CDCA5: variants seen among roughly 807,000 people sequenced by gnomAD.
CDCA5 encodes cell division cycle associated 5, also known as sororin.
Under a neutral mutation model 25.7 loss-of-function variants are expected in CDCA5, and 14 were observed. That is an observed-to-expected ratio of 0.54 (90% CI 0.36 to 0.85). CDCA5 has a LOEUF of 0.85. Among genes scored for constraint, CDCA5 ranks in the 40% least tolerant of loss-of-function variants. The pLI is 0.01. For synonymous variants in CDCA5, 127 were observed against 128.7 expected, an observed-to-expected ratio of 0.99 and a Z score of 0.09; for missense variants, 307 against 324.5, an observed-to-expected ratio of 0.95 and a Z score of 0.41.
intron 1 of CDCA5, among the ~76,000 whole-genome samples, chr11:65,071,107 A>G (rs947393889): frequency 1.3e-5 from 2 of 150,940 alleles, no homozygotes; most frequent in Admixed American, 6.6e-5. Context: ...ACACCCGGCT[A>G]ATTTTTTGTA....
chr11:65,076,773 C>T (rs1182443327), downstream of CDCA5, among the ~76,000 whole-genome samples: 1 of 152,216 alleles, frequency 6.6e-6, no homozygotes, highest in Non-Finnish European at 1.5e-5. Context: ...ACAGCACCTG[C>T]TGCTACACAG....
intron 1 of CDCA5, among the ~76,000 whole-genome samples, chr11:65,068,796 T>C (rs1947289652): frequency 6.6e-6 from 1 of 152,232 alleles, no homozygotes; most frequent in African/African-American, 2.4e-5. Flanking sequence ...GAAATCTGAA[T>C]TTCAGCTGAA....
rs117696128 is a variant in CDCA5, at chr11:65,068,560, G to T, written c.105C>A (p.Asn35Lys). The change falls in exon 2 of 7, where the codon AAC (asparagine) becomes AAA (lysine). Residue 35 changes from asparagine (N) to lysine (K), a missense_variant. Transcript: ENST00000525464. ...CCTCAACAGGCTGCACCACTGGCTT[G>T]TTGGCCAGCTTGGAGTGGGCTCTTT... The T allele has an allele frequency of 2.3e-6, 3 of 1,289,428 alleles. No individual in the cohort carries two copies. The African/African-American group carries it at 4.5e-5, about 20-fold the overall frequency. 79.9% of individuals were successfully genotyped at this position (1,289,428 alleles called of 1,614,324 possible). A position where few individuals can be genotyped will look rare whatever the true frequency, so the allele number is the denominator to read the frequency against.
At chr11:65,075,083 G>T (rs1353156416), downstream of CDCA5, among the ~76,000 whole-genome samples, 2 of 146,792 alleles carry the variant, frequency 1.4e-5, no homozygotes, top group African/African-American at 2.5e-5. Flanking sequence ...AAAAAAAAAA[G>T]GGTTTTAAGG....
downstream of CDCA5, among the ~76,000 whole-genome samples, chr11:65,061,327 C>T (rs1325681374): frequency 6.6e-6 from 1 of 152,224 alleles, no homozygotes; most frequent in African/African-American, 2.4e-5. Context: ...CGTCAGAATA[C>T]AGCGGCCCCT....
chr11:65,061,423 CTG>C (rs544459025), downstream of CDCA5, among the ~76,000 whole-genome samples: 11 of 152,322 alleles, frequency 7.2e-5, no homozygotes, highest in South Asian at 2.1e-3. Flanking sequence ...CCTGTGGACA[CTG>C]TGTGAGATAA....
chr11:65,077,838 G>C lies in CDCA5; in HGVS notation c.*1269C>G, dbSNP rs1236134858. 1 of 985,610 alleles carries C rather than the reference G, an allele frequency of 1.0e-6. No individual in the cohort carries two copies. The highest frequency in any genetic ancestry group is 6.1e-5 in the Admixed American group (1 of 16,264). The allele number at this position is 985,610 out of a possible 1,614,324, so 61.1% of individuals were successfully genotyped here. A position where few individuals can be genotyped will look rare whatever the true frequency, so the allele number is the denominator to read the frequency against. ...CCTGACCCAGCACTCATCTTCCCTG[G>C]CATTCTCTGTTATCCACCAGCTCCT... On this transcript the variant is annotated 3_prime_UTR_variant, in exon 6 of 6. Transcript: ENST00000275517.
downstream of CDCA5, among the ~76,000 whole-genome samples, chr11:65,065,631 C>G (rs1281094098): frequency 3.3e-5 from 5 of 152,194 alleles, no homozygotes; most frequent in Admixed American, 3.3e-4. Flanking sequence ...AGAATATTAA[C>G]CAATTTTGTA....
At chr11:65,067,901 C>A in intron 3 of CDCA5, 1 of 863,188 alleles carries the variant, frequency 1.2e-6, no homozygotes, top group Non-Finnish European at 1.6e-6. Flanking sequence ...TGAGTCCTAG[C>A]CCAGGTTTGA....
Position 65,083,470 on chromosome 11 carries a change from C to A in CDCA5, c.207+15G>T. ...TGCCCGCCTAACCACCCACAACACT[C>A]TCCTTAGCCTTTACCTCTACAGCAT... On this transcript the variant is annotated intron_variant, in intron 3 of 5. Coordinates refer to ENST00000275517, the MANE Select transcript of CDCA5 (RefSeq NM_080668.4). The A allele has an allele frequency of 6.2e-7, 1 of 1,614,208 alleles. No individual in the cohort carries two copies. Among genetic ancestry groups the A allele is most frequent in the Non-Finnish European group, 8.5e-7 (1 of 1,180,020 alleles).
At chr11:65,070,345 C>T (rs961666370) in intron 1 of CDCA5, among the ~76,000 whole-genome samples, 2 of 152,242 alleles carry the variant, frequency 1.3e-5, no homozygotes, top group African/African-American at 4.8e-5. Context: ...AGAAGGTGTG[C>T]ATGAGACCCT....
chr11:65,073,429 G>A (rs1235616893), downstream of CDCA5, among the ~76,000 whole-genome samples: 1 of 152,190 alleles, frequency 6.6e-6, no homozygotes, highest in Non-Finnish European at 1.5e-5. Context: ...CTTTCACCAG[G>A]GTGGGGCAGG....
At chr11:65,082,805 C>T (rs922813096) in intron 4 of CDCA5, among the ~76,000 whole-genome samples, 2 of 151,808 alleles carry the variant, frequency 1.3e-5, no homozygotes, top group African/African-American at 4.8e-5. Flanking sequence ...TCTTCTTCCA[C>T]GAAACATTCC....
downstream of CDCA5, among the ~76,000 whole-genome samples, chr11:65,064,595 T>C (rs147245314): frequency 4.4e-3 from 670 of 152,170 alleles, 6 homozygotes; most frequent in African/African-American, 0.015. Context: ...TTTGGGAAAA[T>C]TGCAAGACAG....
exon 4 of CDCA5, chr11:65,067,697 C>T (rs1236385898): frequency 2.4e-5 from 31 of 1,289,670 alleles, no homozygotes; most frequent in African/African-American, 3.0e-5. Flanking sequence ...CTTTGAGGTC[C>T]GCTGGGGGCC....
Position 65,078,949 on chromosome 11 carries a change from T to C in CDCA5, c.*158A>G, listed in dbSNP as rs1947499106. 7.9e-7 allele frequency: 1 copy of C among 1,260,782 alleles called. No homozygotes were observed. The highest frequency in any genetic ancestry group is 1.5e-5 in the African/African-American group (1 of 65,154). 78.1% of individuals were successfully genotyped at this position (1,260,782 alleles called of 1,614,324 possible). On this transcript the variant is annotated 3_prime_UTR_variant, in exon 6 of 6. Coordinates refer to ENST00000275517, the MANE Select transcript of CDCA5 (RefSeq NM_080668.4). The stretch of plus-strand genomic sequence containing the variant: ...CTAAAACCAAGATGGCTGCCGCTGC[T>C]GCCCAAGCCCTCAAAGGCAGACAGT...
At chr11:65,068,479 T>G (rs1002819868) in intron 2 of CDCA5, 2 of 1,282,106 alleles carry the variant, frequency 1.6e-6, no homozygotes, top group Middle Eastern at 2.2e-4. Flanking sequence ...CCCTGGGGTT[T>G]CCCATCACCT....
downstream of CDCA5, among the ~76,000 whole-genome samples, chr11:65,075,674 A>G (rs1164625043): frequency 1.3e-5 from 2 of 152,222 alleles, no homozygotes; most frequent in Non-Finnish European, 2.9e-5. Flanking sequence ...CAGAGAACAC[A>G]GGAGTAGGCA....
At chr11:65,069,227 G>A (rs1357185332) in intron 1 of CDCA5, among the ~76,000 whole-genome samples, 1 of 102,818 alleles carries the variant, frequency 9.7e-6, no homozygotes, top group Non-Finnish European at 1.8e-5. Flanking sequence ...GCTTCAGAGC[G>A]AGACTCTCAA....
Sources: allele counts gnomAD v4.1 joint callset (sites outside exome capture counted in the v4.1 genomes callset), GRCh38; gene constraint gnomAD v4.1.1; transcripts MANE v1.5; gene names NCBI Gene and HGNC (gene_info 2026-07-23, HGNC 2026-07-21).